Variants in RBFOX1 observed in about 807,000 individuals in gnomAD.
The protein encoded by RBFOX1 is RNA binding fox-1 homolog 1.
RBFOX1 carries 8 observed loss-of-function variants against 57.7 expected under a neutral mutation model. The observed-to-expected ratio is 0.14, with a 90% confidence interval of 0.08 to 0.25. The LOEUF (loss-of-function observed/expected upper bound fraction) is 0.25, where lower values mean the gene tolerates loss of function less well. Among genes scored for constraint, RBFOX1 ranks in the 10% least tolerant of loss-of-function variants. The pLI, the probability that RBFOX1 is intolerant of heterozygous loss-of-function variation, is 1.00. For synonymous variants in RBFOX1, 326 were observed against 222.4 expected, an observed-to-expected ratio of 1.47 and a Z score of -4.15; for missense variants, 611 against 548.5, an observed-to-expected ratio of 1.11 and a Z score of -1.14.
At chr16:6,100,963 G>A (rs909249171) in intron 1 of RBFOX1, among the ~76,000 whole-genome samples, 3 of 152,042 alleles carry the variant, frequency 2.0e-5, no homozygotes, top group Admixed American at 6.5e-5. Flanking sequence ...ATTTTTTTCC[G>A]TCTCGAAATT....
At chr16:5,525,579 T>A (rs2044214039) in intron 2 of RBFOX1, among the ~76,000 whole-genome samples, 1 of 147,522 alleles carries the variant, frequency 6.8e-6, no homozygotes, top group African/African-American at 2.5e-5. Context: ...CTCACTGCAT[T>A]CTCCACCTCT....
intron 3 of RBFOX1, among the ~76,000 whole-genome samples, chr16:6,720,622 T>C (rs573522956): frequency 1.3e-5 from 2 of 152,006 alleles, no homozygotes; most frequent in Admixed American, 6.5e-5. Flanking sequence ...TGGAGAATAG[T>C]TGGGGAGAAA....
At chr16:6,621,045 C>G (rs1368905593) in intron 2 of RBFOX1, among the ~76,000 whole-genome samples, 1 of 152,172 alleles carries the variant, frequency 6.6e-6, no homozygotes, top group Non-Finnish European at 1.5e-5. Context: ...TCTTTTAGCT[C>G]CAGGGGACTG....
intron 4 of RBFOX1, among the ~76,000 whole-genome samples, chr16:7,513,432 C>T (rs1289617076): frequency 6.6e-6 from 1 of 152,176 alleles, no homozygotes; most frequent in Non-Finnish European, 1.5e-5. Flanking sequence ...TGGTCTGCAG[C>T]ATCTTTGATG....
chr16:6,648,566 A>G (rs1248226934), intron 2 of RBFOX1, among the ~76,000 whole-genome samples: 5 of 151,720 alleles, frequency 3.3e-5, no homozygotes, highest in African/African-American at 1.2e-4. Context: ...CTGTCCTCCC[A>G]CCCTTCAGCC....
chr16:6,085,740 C>T (rs1263238611), intron 1 of RBFOX1, among the ~76,000 whole-genome samples: 2 of 152,088 alleles, frequency 1.3e-5, no homozygotes, highest in Non-Finnish European at 2.9e-5. Context: ...TAAATTCTAC[C>T]CTCCCCAAGA....
chr16:6,620,507 T>C, intron 2 of RBFOX1, among the ~76,000 whole-genome samples: 1 of 151,282 alleles, frequency 6.6e-6, no homozygotes, highest in Non-Finnish European at 1.5e-5. Context: ...GGAGCTGAAC[T>C]GAAAGAGATA....
At chr16:6,498,337 C>A (rs778936487) in intron 2 of RBFOX1, among the ~76,000 whole-genome samples, 75 of 151,552 alleles carry the variant, frequency 4.9e-4, no homozygotes, top group Admixed American at 2.2e-3. Context: ...TTTAGAGAGA[C>A]TTATGAGCAG....
intron 2 of RBFOX1, among the ~76,000 whole-genome samples, chr16:6,587,252 A>G (rs116706784): frequency 6.2e-4 from 94 of 152,022 alleles, no homozygotes; most frequent in African/African-American, 2.2e-3. Flanking sequence ...AAGATTCCAC[A>G]TACAAATGAG....
chr16:7,067,992 A>G (rs2056504672), intron 4 of RBFOX1, among the ~76,000 whole-genome samples: 4 of 126,112 alleles, frequency 3.2e-5, no homozygotes, highest in Admixed American at 2.8e-4. Context: ...TCCTTCCTTC[A>G]TCTTTAAAGC....
intron 4 of RBFOX1, among the ~76,000 whole-genome samples, chr16:5,924,808 C>T (rs1318852971): frequency 6.6e-6 from 1 of 152,132 alleles, no homozygotes; most frequent in African/African-American, 2.4e-5. Flanking sequence ...TTCATGTCTC[C>T]AGATACTGTG....
intron 3 of RBFOX1, among the ~76,000 whole-genome samples, chr16:5,789,975 G>A (rs767174272): frequency 1.1e-4 from 16 of 152,168 alleles, no homozygotes; most frequent in Non-Finnish European, 2.1e-4. Flanking sequence ...TACACCTCAC[G>A]GGCTTCATGC....
At chr16:6,112,455 C>T (rs2096456784) in intron 1 of RBFOX1, among the ~76,000 whole-genome samples, 1 of 152,236 alleles carries the variant, frequency 6.6e-6, no homozygotes, top group South Asian at 2.1e-4. Flanking sequence ...CTTTGGGAGG[C>T]CAAGATGGGC....
chr16:7,018,462 T>A (rs1344949261), intron 3 of RBFOX1, among the ~76,000 whole-genome samples: 1 of 152,226 alleles, frequency 6.6e-6, no homozygotes, highest in Non-Finnish European at 1.5e-5. Context: ...ATACAACGTC[T>A]AATCCAGTCT....
chr16:7,387,814 G>A (rs1203536078), intron 4 of RBFOX1, among the ~76,000 whole-genome samples: 1 of 152,090 alleles, frequency 6.6e-6, no homozygotes, highest in Non-Finnish European at 1.5e-5. Flanking sequence ...TACGTGTAGG[G>A]CTTCGCCATC....
At chr16:7,238,210 T>A (rs2093872801) in intron 4 of RBFOX1, among the ~76,000 whole-genome samples, 1 of 152,180 alleles carries the variant, frequency 6.6e-6, no homozygotes, top group Admixed American at 6.5e-5. Flanking sequence ...AGTTAGTGTT[T>A]AATTGGTACA....
At chr16:7,325,659 G>A (rs936488921) in intron 4 of RBFOX1, among the ~76,000 whole-genome samples, 2 of 152,130 alleles carry the variant, frequency 1.3e-5, no homozygotes, top group African/African-American at 4.8e-5. Flanking sequence ...TTGTAATCTG[G>A]AGAGAGGTTG....
chr16:5,944,230 A>G (rs191827629), intron 4 of RBFOX1, among the ~76,000 whole-genome samples: 1 of 152,200 alleles, frequency 6.6e-6, no homozygotes, highest in Non-Finnish European at 1.5e-5. Flanking sequence ...AACGAGATAC[A>G]TGGGCTACAC....
rs191384623 is a variant in RBFOX1 at position 7,520,121 on chromosome 16, G to A, written c.270+1732G>A. 2.9e-3 allele frequency among the ~76,000 whole-genome samples: 434 copies of A among 152,078 alleles called. 2 individuals are homozygous for A. Among genetic ancestry groups the A allele is most frequent in the Non-Finnish European group, 4.5e-3 (305 of 67,986 alleles). On this transcript the variant is annotated intron_variant, in intron 5 of 15. Transcript: ENST00000550418. ...AGGATGATCTCAATCTCCTGACCTC[G>A]CGATCTGCCTGTCTCGGCCTCCCAA...
Sources: gnomAD v4.1 joint callset for allele counts (sites outside exome capture counted in the v4.1 genomes callset) on GRCh38, gnomAD v4.1.1 for gene constraint, MANE v1.5 for transcripts, NCBI Gene and HGNC (gene_info 2026-07-23, HGNC 2026-07-21) for gene names.